The following FAM240B variants were observed in gnomAD, a reference collection of about 807,000 sequenced individuals.
FAM240B encodes the protein protein FAM240B.
chr9:38,710,525 T>C (rs1821242268), intron 1 of FAM240B, among the ~76,000 whole-genome samples: 1 of 152,210 alleles, frequency 6.6e-6, no homozygotes, highest in Admixed American at 6.5e-5. Context: ...ATTTATCTTT[T>C]TGTTTCCCCA....
chr9:38,710,944 C>T (rs1476560071), intron 1 of FAM240B, among the ~76,000 whole-genome samples: 1 of 152,068 alleles, frequency 6.6e-6, no homozygotes, highest in Non-Finnish European at 1.5e-5. Flanking sequence ...TAAACCAAAC[C>T]CAACTCCCAA....
At chr9:38,718,696 A>G (rs1160549855) in intron 1 of FAM240B, among the ~76,000 whole-genome samples, 1 of 152,208 alleles carries the variant, frequency 6.6e-6, no homozygotes, top group Non-Finnish European at 1.5e-5. Context: ...ATAAACATTA[A>G]TCAGTTTCAT....
chr9:38,695,387 G>C (rs998476050), intron 2 of FAM240B, among the ~76,000 whole-genome samples: 1 of 152,156 alleles, frequency 6.6e-6, no homozygotes, highest in Non-Finnish European at 1.5e-5. Context: ...TTAGCTGGGC[G>C]TGGTGGCGGT....
intron 1 of FAM240B, among the ~76,000 whole-genome samples, chr9:38,710,617 C>A (rs7874180): frequency 0.32 from 48,914 of 151,884 alleles, 8,010 homozygotes; most frequent in Admixed American, 0.36. Context: ...TGGTTTTGGC[C>A]AATGAAACTC....
Position 38,702,116 on chromosome 9 carries a change from C to A in FAM240B, c.143+1741G>T, listed in dbSNP as rs769795613. Reference sequence around the variant, plus strand: ...AAGATGGGATCTGGCTTCCAGTGGGCTAGTGGGCCAGGACTGGGGGACGGA... The same window carrying A: ...AAGATGGGATCTGGCTTCCAGTGGGATAGTGGGCCAGGACTGGGGGACGGA... On this transcript the variant is annotated intron_variant, in intron 2 of 2. Coordinates refer to ENST00000637493, the MANE Select transcript of FAM240B (RefSeq NM_001394922.1). Among the ~76,000 whole-genome samples the A allele has an allele frequency of 4.1e-4, 63 of 152,128 alleles. 1 individual carries two copies. Among genetic ancestry groups the A allele is most frequent in the Non-Finnish European group, 7.3e-4 (50 of 68,028 alleles).
chr9:38,718,071 T>A (rs1315695016), intron 1 of FAM240B, among the ~76,000 whole-genome samples: 1 of 152,366 alleles, frequency 6.6e-6, no homozygotes, highest in South Asian at 2.1e-4. Flanking sequence ...AACACTGTTT[T>A]GCATTTTGCC....
chr9:38,717,379 G>A (rs532413913), intron 1 of FAM240B, among the ~76,000 whole-genome samples: 1 of 152,168 alleles, frequency 6.6e-6, no homozygotes, highest in East Asian at 2.0e-4. Context: ...AGGAGATCGA[G>A]ACCATCCTGG....
intron 2 of FAM240B, among the ~76,000 whole-genome samples, chr9:38,696,729 G>A (rs537690405): frequency 1.6e-4 from 25 of 152,068 alleles, no homozygotes; most frequent in Non-Finnish European, 3.2e-4. Context: ...CAGGAGAATC[G>A]CTTGAACTTG....
intron 2 of FAM240B, among the ~76,000 whole-genome samples, chr9:38,703,522 C>T (rs1373962161): frequency 6.6e-6 from 1 of 152,190 alleles, no homozygotes; most frequent in African/African-American, 2.4e-5. Flanking sequence ...ATAGAAACCC[C>T]AATAAAGACT....
rs149685226 is a variant in FAM240B, at chr9:38,707,046, T to A, written c.-3-3044A>T. 2.3e-3 allele frequency among the ~76,000 whole-genome samples: 350 copies of A among 152,310 alleles called. 1 individual carries two copies. Among genetic ancestry groups the A allele is most frequent in the African/African-American group, 7.9e-3 (329 of 41,556 alleles). Reference sequence around the variant, plus strand: ...CTTGCTTTTAACTGCGAGGAAGGTGTTAAATGCAGAATTTGCAATGTAAGT... The same window carrying A: ...CTTGCTTTTAACTGCGAGGAAGGTGATAAATGCAGAATTTGCAATGTAAGT... On this transcript the variant is annotated intron_variant, in intron 1 of 2. Coordinates refer to ENST00000637493, the MANE Select transcript of FAM240B (RefSeq NM_001394922.1).
rs187358421 is a variant in FAM240B at position 38,694,660 on chromosome 9, T to C, written c.*116A>G. 17 of 396,464 alleles carry C rather than the reference T, an allele frequency of 4.3e-5. No homozygotes were observed. The highest frequency in any genetic ancestry group is 3.3e-4 in the African/African-American group (16 of 48,572). The allele number at this position is 396,464 out of a possible 1,614,324, so 24.6% of individuals were successfully genotyped here. A position where few individuals can be genotyped will look rare whatever the true frequency, so the allele number is the denominator to read the frequency against. ...TTTCACATGTAAATCCCCTAGCAAA[T>C]GGAAGCACAAATAGAGAGCGTCCTG... is the stretch of plus-strand genomic sequence containing the variant. On this transcript the variant is annotated 3_prime_UTR_variant, in exon 3 of 3. Coordinates refer to ENST00000637493, the MANE Select transcript of FAM240B (RefSeq NM_001394922.1).
At chr9:38,717,396 G>C (rs559519192) in intron 1 of FAM240B, among the ~76,000 whole-genome samples, 42 of 152,088 alleles carry the variant, frequency 2.8e-4, no homozygotes, top group South Asian at 8.3e-4. Flanking sequence ...CTGGCCAACA[G>C]GGTGAAACCC....
At chr9:38,719,566 G>A (rs944629038) in intron 1 of FAM240B, among the ~76,000 whole-genome samples, 1 of 152,104 alleles carries the variant, frequency 6.6e-6, no homozygotes, top group Non-Finnish European at 1.5e-5. Context: ...GAATTTCCCA[G>A]GTCTCAGGTT....
chr9:38,706,051 A>G (rs1821187484), intron 1 of FAM240B, among the ~76,000 whole-genome samples: 1 of 152,190 alleles, frequency 6.6e-6, no homozygotes, highest in Non-Finnish European at 1.5e-5. Context: ...GGTCACACAC[A>G]GCTACGTGAG....
At chr9:38,712,368 G>A (rs1215313949) in intron 1 of FAM240B, among the ~76,000 whole-genome samples, 1 of 152,146 alleles carries the variant, frequency 6.6e-6, no homozygotes, top group Non-Finnish European at 1.5e-5. Flanking sequence ...AATTAAATGA[G>A]ACATTGGAGC....
intron 2 of FAM240B, among the ~76,000 whole-genome samples, chr9:38,702,497 G>A (rs1821140511): frequency 6.6e-6 from 1 of 152,194 alleles, no homozygotes; most frequent in South Asian, 2.1e-4. Flanking sequence ...CAAACAGACA[G>A]CCTGGCTAGC....
chr9:38,694,670 A>T lies in FAM240B; in HGVS notation c.*106T>A. 1 of 397,274 alleles carries T rather than the reference A, an allele frequency of 2.5e-6. No homozygotes were observed. Among genetic ancestry groups the T allele is most frequent in the Non-Finnish European group, 4.4e-6 (1 of 225,474 alleles). The allele number at this position is 397,274 out of a possible 1,614,324, so 24.6% of individuals were successfully genotyped here. ...AAATCCCCTAGCAAATGGAAGCACA[A>T]ATAGAGAGCGTCCTGTTTAGTAAAT... On this transcript the variant is annotated 3_prime_UTR_variant, in exon 3 of 3. Transcript: ENST00000637493.
intron 1 of FAM240B, among the ~76,000 whole-genome samples, chr9:38,704,743 T>C (rs1015494655): frequency 3.3e-5 from 5 of 152,160 alleles, no homozygotes; most frequent in Non-Finnish European, 7.4e-5. Context: ...GAGGACCCGA[T>C]GTGGGCCGGG....
At chr9:38,695,752 A>T (rs1821062071) in intron 2 of FAM240B, among the ~76,000 whole-genome samples, 1 of 152,242 alleles carries the variant, frequency 6.6e-6, no homozygotes, top group Non-Finnish European at 1.5e-5. Context: ...ATTAGCCTTA[A>T]GAAGTTTGAA....
Sources: allele counts gnomAD v4.1 joint callset (sites outside exome capture counted in the v4.1 genomes callset), GRCh38; gene constraint gnomAD v4.1.1; transcripts MANE v1.5; gene names NCBI Gene and HGNC (gene_info 2026-07-23, HGNC 2026-07-21).